Variants in ZNF407 observed in about 807,000 individuals in gnomAD.
The protein encoded by ZNF407 is zinc finger protein 407.
Under a neutral mutation model 131.2 loss-of-function variants are expected in ZNF407, and 17 were observed. That is an observed-to-expected ratio of 0.13 (90% CI 0.09 to 0.19). ZNF407 has a LOEUF of 0.19. Among genes scored for constraint, ZNF407 ranks in the 10% least tolerant of loss-of-function variants. The pLI, the probability that ZNF407 is intolerant of heterozygous loss-of-function variation, is 1.00. For synonymous variants in ZNF407, 1,156 were observed against 1,062.0 expected (o/e 1.09, Z -1.72); for missense variants, 2,681 against 2,830.6 (o/e 0.95, Z 1.20).
chr18:75,060,507 C>CTTTTTTTTTTTTTT (rs564194650), intron 8 of ZNF407, among the ~76,000 whole-genome samples: 1 of 124,464 alleles, frequency 8.0e-6, no homozygotes, highest in Non-Finnish European at 1.6e-5. Flanking sequence ...TTCTTTTTTT[C>CTTTTTTTTTTTTTT]TTTTTTTTTT....
chr18:74,953,955 G>GA (rs1182404062), intron 8 of ZNF407, among the ~76,000 whole-genome samples: 2 of 152,214 alleles, frequency 1.3e-5, no homozygotes, highest in Non-Finnish European at 2.9e-5. Flanking sequence ...AAAGTAAGGA[G>GA]AAAAAGGGAT....
chr18:74,945,303 C>T (rs530299738), intron 8 of ZNF407, among the ~76,000 whole-genome samples: 12 of 152,312 alleles, frequency 7.9e-5, no homozygotes, highest in Admixed American at 6.5e-4. Context: ...GACCAGCAGA[C>T]TGGATTGCCG....
intron 3 of ZNF407, among the ~76,000 whole-genome samples, chr18:74,756,923 T>G (rs1261586011): frequency 6.6e-6 from 1 of 152,142 alleles, no homozygotes; most frequent in East Asian, 1.9e-4. Flanking sequence ...TTTTTACCTT[T>G]GTAAGGTTAG....
chr18:74,735,025 A>C (rs1968381719), intron 3 of ZNF407, among the ~76,000 whole-genome samples: 1 of 152,178 alleles, frequency 6.6e-6, no homozygotes, highest in Non-Finnish European at 1.5e-5. Flanking sequence ...GTTACAGTGA[A>C]AGAACATTGG....
intron 7 of ZNF407, among the ~76,000 whole-genome samples, chr18:74,896,294 G>A (rs953635188): frequency 1.3e-5 from 2 of 151,804 alleles, no homozygotes; most frequent in South Asian, 4.2e-4. Context: ...CAGTCAACAC[G>A]TTTCCATTAT....
At chr18:74,941,805 CA>C (rs1215047516) in intron 8 of ZNF407, among the ~76,000 whole-genome samples, 1 of 152,166 alleles carries the variant, frequency 6.6e-6, no homozygotes, top group Non-Finnish European at 1.5e-5. Context: ...ACTTTCGCAA[CA>C]ACGGTGATGA....
At chr18:74,806,994 G>T (rs1017728363) in intron 4 of ZNF407, among the ~76,000 whole-genome samples, 13 of 152,294 alleles carry the variant, frequency 8.5e-5, no homozygotes, top group Admixed American at 8.5e-4. Flanking sequence ...ACATTGTTAT[G>T]GCAGAACTGG....
intron 3 of ZNF407, among the ~76,000 whole-genome samples, chr18:74,765,173 C>T (rs769573076): frequency 2.6e-5 from 4 of 151,996 alleles, no homozygotes; most frequent in Admixed American, 6.6e-5. Context: ...TACCAAGGGA[C>T]GGGTGTACTT....
intron 4 of ZNF407, among the ~76,000 whole-genome samples, chr18:74,812,324 A>G (rs949760109): frequency 2.0e-5 from 3 of 152,230 alleles, no homozygotes; most frequent in African/African-American, 4.8e-5. Flanking sequence ...CACACAAACT[A>G]CTTAGCAAAT....
At chr18:74,676,096 AT>A (rs879797829) in intron 3 of ZNF407, among the ~76,000 whole-genome samples, 62 of 147,244 alleles carry the variant, frequency 4.2e-4, no homozygotes, top group Admixed American at 4.8e-4. Context: ...TCCTCTTAGA[AT>A]TTTTTTTTTT....
intron 8 of ZNF407, among the ~76,000 whole-genome samples, chr18:74,980,229 G>A (rs975282715): frequency 1.1e-4 from 16 of 149,482 alleles, no homozygotes; most frequent in Admixed American, 6.0e-4. Flanking sequence ...AAGACGAGTT[G>A]ACATCTCTGT....
intron 1 of ZNF407, among the ~76,000 whole-genome samples, chr18:74,629,250 A>G (rs993047169): frequency 6.6e-6 from 1 of 152,104 alleles, no homozygotes; most frequent in African/African-American, 2.4e-5. Flanking sequence ...TAGCTATCTT[A>G]GTGGGTTTGA....
chr18:75,055,005 G>T (rs918327753), intron 8 of ZNF407, among the ~76,000 whole-genome samples: 1 of 152,230 alleles, frequency 6.6e-6, no homozygotes, highest in African/African-American at 2.4e-5. Flanking sequence ...AGAGGCCAGG[G>T]TGTCTCCAAG....
chr18:74,884,111 AG>A (rs564753889), intron 6 of ZNF407, among the ~76,000 whole-genome samples: 241 of 152,346 alleles, frequency 1.6e-3, no homozygotes, highest in Middle Eastern at 0.014. Flanking sequence ...GTCTGCCATC[AG>A]TTTTTCCTTA....
intron 8 of ZNF407, among the ~76,000 whole-genome samples, chr18:75,020,912 A>C (rs548855060): frequency 2.0e-4 from 31 of 152,330 alleles, no homozygotes; most frequent in Admixed American, 3.9e-4. Context: ...ATAATGAGAC[A>C]GTGGGCCGTG....
At chr18:75,047,644 C>T (rs1384585157) in intron 8 of ZNF407, among the ~76,000 whole-genome samples, 2 of 152,218 alleles carry the variant, frequency 1.3e-5, no homozygotes, top group Non-Finnish European at 2.9e-5. Flanking sequence ...CTAGCTCCTA[C>T]TAATAGACAC....
chr18:74,990,155 C>T (rs4891217), intron 8 of ZNF407, among the ~76,000 whole-genome samples: 22,050 of 152,114 alleles, frequency 0.14, 1,898 homozygotes, highest in Admixed American at 0.27. Context: ...AGGCAGTAAA[C>T]ATCAGTGAAA....
chr18:74,915,572 CATGT>C (rs1320618996), intron 7 of ZNF407, among the ~76,000 whole-genome samples: 1 of 102,116 alleles, frequency 9.8e-6, no homozygotes, highest in Non-Finnish European at 1.9e-5. Context: ...TGTGTGCATG[CATGT>C]GTGTGCTGGT....
rs183040003 is a variant in ZNF407, at chr18:74,935,957, A to T, written c.5428+15265A>T. 6.6e-3 allele frequency among the ~76,000 whole-genome samples: 1,009 copies of T among 152,278 alleles called. 2 individuals are homozygous for T. Among genetic ancestry groups the T allele is most frequent in the Middle Eastern group, 0.01 (3 of 294 alleles). On this transcript the variant is annotated intron_variant, in intron 8 of 8. Transcript: ENST00000299687. ...CTTTTCTCCCTGTATGTAATTTTTTAAAAAAGTTTTTTCTTTTTGTGATGT... is the reference window on the plus strand; with the variant it reads ...CTTTTCTCCCTGTATGTAATTTTTTTAAAAAGTTTTTTCTTTTTGTGATGT...
Sources: gnomAD v4.1 joint callset for allele counts (sites outside exome capture counted in the v4.1 genomes callset) on GRCh38, gnomAD v4.1.1 for gene constraint, MANE v1.5 for transcripts, NCBI Gene and HGNC (gene_info 2026-07-23, HGNC 2026-07-21) for gene names.